Variants in LYSMD1 observed in about 807,000 individuals in gnomAD.
LYSMD1 encodes LysM domain containing 1.
LYSMD1 carries 9 observed loss-of-function variants against 19.3 expected under a neutral mutation model. The observed-to-expected ratio is 0.47, with a 90% CI of 0.28 to 0.81. The LOEUF (loss-of-function observed/expected upper bound fraction) is 0.81. LYSMD1 is among the 40% of genes least tolerant of loss of function. The pLI, the probability that LYSMD1 is intolerant of heterozygous loss-of-function variation, is 0.11. For synonymous variants in LYSMD1, 111 were observed against 111.7 expected (o/e 0.99, Z 0.04); for missense variants, 262 against 279.8 (o/e 0.94, Z 0.45).
intron 2 of LYSMD1, 22 bp from the exon 3 acceptor site, chr1:151,161,042 A>G (rs1356505359): frequency 5.6e-6 from 9 of 1,612,122 alleles, no homozygotes; most frequent in African/African-American, 2.7e-5. Flanking sequence ...GAAAGGGGGG[A>G]AAGAGTGACA....
the LYSMD1 span, among the ~76,000 whole-genome samples, chr1:151,150,864 G>A: frequency 6.6e-6 from 1 of 151,080 alleles, no homozygotes; most frequent in African/African-American, 2.4e-5. Flanking sequence ...TCAGCCTCCC[G>A]AGTAGCTGGG....
At chr1:151,152,269 C>T in the LYSMD1 span, among the ~76,000 whole-genome samples, 4 of 151,748 alleles carry the variant, frequency 2.6e-5, no homozygotes, top group Non-Finnish European at 5.9e-5. Context: ...TGGTAGCGCG[C>T]GCCTGTAATC....
the LYSMD1 span, among the ~76,000 whole-genome samples, chr1:151,152,057 T>A: frequency 6.8e-6 from 1 of 147,792 alleles, no homozygotes; most frequent in African/African-American, 2.5e-5. Context: ...CAAACAAACA[T>A]CCTATGGCTC....
intron 1 of LYSMD1, among the ~76,000 whole-genome samples, chr1:151,162,314 A>T (rs947111156): frequency 6.6e-6 from 1 of 152,180 alleles, no homozygotes; most frequent in Non-Finnish European, 1.5e-5. Context: ...TGTGCAAGCC[A>T]GGCGCAATGT....
rs1683650489 is a variant in LYSMD1 at position 151,165,503 on chromosome 1, C to G, written c.-245G>C. ...CTCCCTAATTCTCCCCTAAGCACCC[C>G]TCCGACTTTGGACTCCCCCACAACT... On this transcript the variant is annotated 5_prime_UTR_variant, in exon 1 of 3. Coordinates refer to ENST00000368908, the MANE Select transcript of LYSMD1 (RefSeq NM_212551.5). 1 of 1,440,612 alleles carries G rather than the reference C, an allele frequency of 6.9e-7. No homozygotes were observed. The highest frequency in any genetic ancestry group is 1.4e-5 in the African/African-American group (1 of 69,824). The allele number at this position is 1,440,612 out of a possible 1,614,324, so 89.2% of individuals were successfully genotyped here. A position where few individuals can be genotyped will look rare whatever the true frequency, so the allele number is the denominator to read the frequency against.
downstream of LYSMD1, chr1:151,158,859 C>G (rs370411904): frequency 1.2e-6 from 2 of 1,614,234 alleles, no homozygotes; most frequent in Non-Finnish European, 1.7e-6. Flanking sequence ...ACAGCCGGCC[C>G]CAGGCCCAGC....
At chr1:151,150,935 C>T in the LYSMD1 span, among the ~76,000 whole-genome samples, 2 of 151,814 alleles carry the variant, frequency 1.3e-5, no homozygotes, top group African/African-American at 2.4e-5. Flanking sequence ...GACAGGGTTT[C>T]GCCATGTTGG....
At position 151,160,257 on chromosome 1, in the gene LYSMD1, A is replaced by AAAAAAAAAAAAAAAAAAAAAAAAT. The variant is rs1163923814; in HGVS notation, c.*624_*625insATTTTTTTTTTTTTTTTTTTTTTT. 1 of 148,736 alleles carries AAAAAAAAAAAAAAAAAAAAAAAAT rather than the reference A, an allele frequency of 6.7e-6. No homozygotes were observed. The highest frequency in any genetic ancestry group is 2.5e-5 in the African/African-American group (1 of 40,788). 9.2% of individuals were successfully genotyped at this position (148,736 alleles called of 1,614,324 possible). A position where few individuals can be genotyped will look rare whatever the true frequency, so the allele number is the denominator to read the frequency against. On this transcript the variant is annotated 3_prime_UTR_variant, in exon 3 of 3. Transcript: ENST00000368908. Reference sequence around the variant, plus strand: ...GGGTACCAAAAAAAAAAAAAAAAAGAATCAGCCCAAATCTGTCACTTTGAG... The same window carrying AAAAAAAAAAAAAAAAAAAAAAAAT: ...GGGTACCAAAAAAAAAAAAAAAAAGAAAAAAAAAAAAAAAAAAAAAAAATATCAGCCCAAATCTGTCACTTTGAG...
chr1:151,156,080 A>AT (rs1683211011), downstream of LYSMD1, among the ~76,000 whole-genome samples: 1 of 143,534 alleles, frequency 7.0e-6, no homozygotes, highest in East Asian at 2.1e-4. Context: ...AGCCTGGGCA[A>AT]CAAGAGCAAA....
chr1:151,156,190 C>T (rs1404039252), downstream of LYSMD1, among the ~76,000 whole-genome samples: 1 of 150,614 alleles, frequency 6.6e-6, no homozygotes, highest in Non-Finnish European at 1.5e-5. Flanking sequence ...ACCTGCTGGT[C>T]ACCTGTGGTG....
downstream of LYSMD1, among the ~76,000 whole-genome samples, chr1:151,155,727 A>T (rs1390617707): frequency 7.9e-5 from 12 of 152,130 alleles, no homozygotes; most frequent in Non-Finnish European, 1.8e-4. Flanking sequence ...AAAACAAAAC[A>T]ACAAACAAAC....
rs1403812130 is a variant in LYSMD1, at chr1:151,160,749, A to G, written c.*133T>C. ...CAGGCCAAGGAATTTTTGGCAGACA[A>G]GGAGGCTGGGGAGGATGGCTGGAGT... On this transcript the variant is annotated 3_prime_UTR_variant, in exon 3 of 3. Coordinates refer to ENST00000368908, the MANE Select transcript of LYSMD1 (RefSeq NM_212551.5). 4 of 1,161,818 alleles carry G rather than the reference A, an allele frequency of 3.4e-6. No individual in the cohort carries two copies. Among genetic ancestry groups the G allele is most frequent in the Admixed American group, 2.3e-5 (1 of 42,982 alleles). 72.0% of individuals were successfully genotyped at this position (1,161,818 alleles called of 1,614,324 possible). A position where few individuals can be genotyped will look rare whatever the true frequency, so the allele number is the denominator to read the frequency against.
the LYSMD1 span, among the ~76,000 whole-genome samples, chr1:151,148,620 G>A: frequency 6.6e-5 from 10 of 152,098 alleles, no homozygotes; most frequent in Non-Finnish European, 1.5e-4. Context: ...AATATTCTCC[G>A]AAGACTGCAC....
rs1339473224 is a variant in LYSMD1, at chr1:151,160,253, A to AAAAAAAAAAT, written c.*628_*629insATTTTTTTTT. On this transcript the variant is annotated 3_prime_UTR_variant, in exon 3 of 3. Transcript: ENST00000368908. ...AATGGGGTACCAAAAAAAAAAAAAA[A>AAAAAAAAAAT]AAGAATCAGCCCAAATCTGTCACTT... The AAAAAAAAAAT allele has an allele frequency of 6.8e-6, 1 of 146,808 alleles. No individual in the cohort carries two copies. The highest frequency in any genetic ancestry group is 1.5e-5 in the Non-Finnish European group (1 of 66,582). 9.1% of individuals were successfully genotyped at this position (146,808 alleles called of 1,614,324 possible). A position where few individuals can be genotyped will look rare whatever the true frequency, so the allele number is the denominator to read the frequency against.
Position 151,165,352 on chromosome 1 carries a change from G to A in LYSMD1, c.-94C>T, listed in dbSNP as rs146877182. 60 of 1,526,220 alleles carry A rather than the reference G, an allele frequency of 3.9e-5. No homozygotes were observed. Among genetic ancestry groups the A allele is most frequent in the Admixed American group, 3.1e-4 (15 of 48,048 alleles). 94.5% of individuals were successfully genotyped at this position (1,526,220 alleles called of 1,614,324 possible). A position where few individuals can be genotyped will look rare whatever the true frequency, so the allele number is the denominator to read the frequency against. ...TGAAGTCTGGGAATGAATATTCAGG[G>A]GATTCCTTTCCCCCTCTCTCTTCCC... On this transcript the variant is annotated 5_prime_UTR_variant, in exon 1 of 3. Transcript: ENST00000368908.
rs1487272781 is a variant in LYSMD1, at chr1:151,161,742, T to G, written c.539A>C (p.Glu180Ala). The part of the protein sequence containing the change: ...KAAAQKLKKG[E>A]NGVPGEDAGL... ...GGAACCATTCAAGACTCACCCATTT[T>G]CCCCTTTTTTCAGCTTCTGAGCAGC... The change falls in exon 2 of 3, where the codon GAA becomes GCA. Residue 180 changes from glutamate (E) to alanine (A), a missense_variant. Coordinates refer to ENST00000368908, the MANE Select transcript of LYSMD1 (RefSeq NM_212551.5). The G allele has an allele frequency of 6.2e-7, 1 of 1,609,276 alleles. No individual in the cohort carries two copies. Among genetic ancestry groups the G allele is most frequent in the African/African-American group, 1.3e-5 (1 of 74,412 alleles).
At chr1:151,151,309 C>T in the LYSMD1 span, among the ~76,000 whole-genome samples, 1 of 151,872 alleles carries the variant, frequency 6.6e-6, no homozygotes, top group Non-Finnish European at 1.5e-5. Context: ...CCTGCCTCAG[C>T]CTCCAGAGTA....
chr1:151,154,882 G>A (rs1035037945), downstream of LYSMD1, among the ~76,000 whole-genome samples: 3 of 152,088 alleles, frequency 2.0e-5, no homozygotes, highest in African/African-American at 7.2e-5. Context: ...CTAACCTCGT[G>A]ATCCGCCCAC....
rs777908236 is a variant in LYSMD1, at chr1:151,161,700, TAG to T, written c.545+34_545+35del. On this transcript the variant is annotated intron_variant, in intron 2 of 2. Transcript: ENST00000368908. Reference sequence around the variant, plus strand: ...GTAAGACAGGAATGATGGAGGAGTCTAGGGAGGAACTTATAAGGAACCATTCA... The same window carrying T: ...GTAAGACAGGAATGATGGAGGAGTCTGGAGGAACTTATAAGGAACCATTCA... 9 of 1,590,080 alleles carry T rather than the reference TAG, an allele frequency of 5.7e-6. No individual in the cohort carries two copies. The South Asian group carries it at 1.0e-4, about 18-fold the overall frequency.
Sources: allele counts gnomAD v4.1 joint callset (sites outside exome capture counted in the v4.1 genomes callset), GRCh38; gene constraint gnomAD v4.1.1; transcripts MANE v1.5; gene names NCBI Gene and HGNC (gene_info 2026-07-23, HGNC 2026-07-21).